G3BP2: variants seen among roughly 807,000 people sequenced by gnomAD.
G3BP2 encodes the protein ras GTPase-activating protein-binding protein 2.
G3BP2 carries 11 observed loss-of-function variants against 56.7 expected under a neutral mutation model. That is an observed-to-expected ratio of 0.19 (90% CI 0.12 to 0.32). The LOEUF (loss-of-function observed/expected upper bound fraction) is 0.32, where lower values mean the gene tolerates loss of function less well. Among genes scored for constraint, G3BP2 ranks in the 10% least tolerant of loss-of-function variants. G3BP2 has a pLI of 1.00. For missense variants in G3BP2, 340 were observed against 610.9 expected, an observed-to-expected ratio of 0.56 and a Z score of 4.67; for synonymous variants, 165 against 191.6, an observed-to-expected ratio of 0.86 and a Z score of 1.15.
At position 75,711,180 on chromosome 4, in the gene G3BP2, A is replaced by G. The variant is rs186451965; in HGVS notation, c.-25+9697T>C. Among the ~76,000 whole-genome samples, 536 of 151,750 alleles carry G rather than the reference A, an allele frequency of 3.5e-3. 4 individuals are homozygous for G. The highest frequency in any genetic ancestry group is 0.013 in the African/African-American group (521 of 41,408). The stretch of plus-strand genomic sequence containing the variant: ...ACTAAAATACAAAAATTAGCTGGGC[A>G]TGATGGCGGGTGCCTGTAATCCCAG... On this transcript the variant is annotated intron_variant, in intron 3 of 3. Coordinates refer to the G3BP2 transcript ENST00000499709.
At chr4:75,694,841 G>A (rs1170052139) in intron 3 of G3BP2, 1 of 985,430 alleles carries the variant, frequency 1.0e-6, no homozygotes. Flanking sequence ...AGACAGGATG[G>A]GCTAAAGACT....
rs527495264 is a variant in G3BP2, at chr4:75,708,954, C to CA, written c.-25+11922dup. Among the ~76,000 whole-genome samples, 281 of 151,930 alleles carry CA rather than the reference C, an allele frequency of 1.8e-3. 4 individuals carry two copies. The highest frequency in any genetic ancestry group is 0.016 in the Admixed American group (237 of 15,276). On this transcript the variant is annotated intron_variant, in intron 3 of 3. Transcript: ENST00000499709. ...GGTGAAACCCTGTCTATAAAAAATA[C>CA]AAAAAAATAGCCAGGCATGGTGGCG...
At chr4:75,657,428 A>G in intron 4 of G3BP2, 129 bp downstream of exon 4, 1 of 674,174 alleles carries the variant, frequency 1.5e-6, no homozygotes, top group Non-Finnish European at 2.5e-6. Flanking sequence ...CACTCACTCA[A>G]ACAACAGGTC....
At chr4:75,685,618 G>C (rs529606018) in intron 3 of G3BP2, among the ~76,000 whole-genome samples, 5 of 152,008 alleles carry the variant, frequency 3.3e-5, no homozygotes, top group Non-Finnish European at 5.9e-5. Flanking sequence ...AGTTCCCTCA[G>C]CTTCTTTCCT....
rs55689229 is a variant in G3BP2, at chr4:75,719,347, CAAA to C, written c.-25+1527_-25+1529del. On this transcript the variant is annotated intron_variant, in intron 3 of 3. Transcript: ENST00000499709. The stretch of plus-strand genomic sequence containing the variant: ...TGGGCGACAGAGCAAGACTCCGTCT[CAAA>C]AAAAAAAAAAAAAAAAAGAAATTGA... Among the ~76,000 whole-genome samples, 131 of 86,968 alleles carry C rather than the reference CAAA, an allele frequency of 1.5e-3. 1 individual carries two copies. Among genetic ancestry groups the C allele is most frequent in the South Asian group, 0.012 (31 of 2,526 alleles). 57.1% of individuals were successfully genotyped at this position (86,968 alleles called of 152,430 possible). A position where few individuals can be genotyped will look rare whatever the true frequency, so the allele number is the denominator to read the frequency against.
chr4:75,692,608 C>T (rs866159577), intron 3 of G3BP2, among the ~76,000 whole-genome samples: 5 of 152,116 alleles, frequency 3.3e-5, no homozygotes, highest in African/African-American at 7.2e-5. Context: ...CTGCACCCGG[C>T]GTCAGTTCTT....
chr4:75,674,671 T>A (rs896348491), upstream of G3BP2, among the ~76,000 whole-genome samples: 1 of 145,656 alleles, frequency 6.9e-6, no homozygotes, highest in Non-Finnish European at 1.5e-5. Flanking sequence ...AGTAACCCTA[T>A]GAGCTAGTTG....
At chr4:75,646,552 C>T in intron 10 of G3BP2, 96 bp from the exon 11 acceptor site, 1 of 792,904 alleles carries the variant, frequency 1.3e-6, no homozygotes. Context: ...TCTCCCCGAT[C>T]CATTTTAAAA....
chr4:75,704,955 G>A (rs1380447604), intron 3 of G3BP2, among the ~76,000 whole-genome samples: 1 of 152,172 alleles, frequency 6.6e-6, no homozygotes, highest in Non-Finnish European at 1.5e-5. Flanking sequence ...CTCTAGGCCT[G>A]CCCTGAGATT....
chr4:75,656,874 A>C (rs1479531291), intron 5 of G3BP2, 50 bp downstream of exon 5: 3 of 833,326 alleles, frequency 3.6e-6, no homozygotes, highest in Non-Finnish European at 4.1e-6. Flanking sequence ...TTAGTCCATA[A>C]AGAGTACCAA....
At chr4:75,715,972 C>T (rs1162633649) in intron 3 of G3BP2, among the ~76,000 whole-genome samples, 1 of 152,104 alleles carries the variant, frequency 6.6e-6, no homozygotes, top group African/African-American at 2.4e-5. Flanking sequence ...CCGGCTGCTG[C>T]AATAACCTAT....
At chr4:75,654,817 T>C (rs1052630126) in intron 7 of G3BP2, 3 of 427,066 alleles carry the variant, frequency 7.0e-6, no homozygotes, top group African/African-American at 6.2e-5. Flanking sequence ...AATAATTTCA[T>C]ATAAGTTACT....
chr4:75,646,794 A>C (rs1731237916), intron 10 of G3BP2, among the ~76,000 whole-genome samples: 1 of 152,224 alleles, frequency 6.6e-6, no homozygotes, highest in South Asian at 2.1e-4. Flanking sequence ...TGACTGATTT[A>C]TCCAGCTGTT....
rs879120222 is a variant in G3BP2 at position 75,647,264 on chromosome 4, A to G, written c.929-107T>C. 5.1e-5 allele frequency: 37 copies of G among 732,220 alleles called. No individual in the cohort carries two copies. The African/African-American group carries it at 6.5e-4, about 13-fold the overall frequency. The allele number at this position is 732,220 out of a possible 1,614,324, so 45.4% of individuals were successfully genotyped here. A position where few individuals can be genotyped will look rare whatever the true frequency, so the allele number is the denominator to read the frequency against. ...ATATTGATATTCCTGTTTTAGTTTA[A>G]TAAGACTAGGTGAGCTTCTTGAAAA... is the stretch of plus-strand genomic sequence containing the variant. On this transcript the variant is annotated intron_variant, in intron 9 of 11. Transcript: ENST00000359707.
rs756489285 is a variant in G3BP2, at chr4:75,655,764, T to G, written c.545+4A>C. 6.7e-7 allele frequency: 1 copy of G among 1,482,728 alleles called. No homozygotes were observed. Among genetic ancestry groups the G allele is most frequent in the Admixed American group, 1.7e-5 (1 of 59,640 alleles). The allele number at this position is 1,482,728 out of a possible 1,614,324, so 91.8% of individuals were successfully genotyped here. On this transcript the variant is annotated splice_donor_region_variant and intron_variant, in intron 6 of 11. Transcript: ENST00000359707. ...AAATTTAACCTTGCAAATAGTATGC[T>G]TACGTCACAGGGTGAGCTTCATAGT...
rs146417327 is a variant in G3BP2, at chr4:75,673,363, C to G, written c.-180G>C. 9 of 1,231,938 alleles carry G rather than the reference C, an allele frequency of 7.3e-6. No homozygotes were observed. In the East Asian group the frequency reaches 1.9e-4, roughly 26 times the overall value. The allele number at this position is 1,231,938 out of a possible 1,614,324, so 76.3% of individuals were successfully genotyped here. On this transcript the variant is annotated 5_prime_UTR_variant, in exon 1 of 12. Transcript: ENST00000359707. ...CGCGAGTTCGTCTGCCTCACAACCA[C>G]CTCTTCCCGGGCGCCAGGCGCTGCG...
upstream of G3BP2, chr4:75,673,850 C>G: frequency 4.5e-6 from 1 of 222,502 alleles, no homozygotes; most frequent in East Asian, 9.0e-5. Flanking sequence ...GCTTAAAATG[C>G]AGCCGGTGAT....
At chr4:75,675,457 A>T (rs1046379553), upstream of G3BP2, among the ~76,000 whole-genome samples, 2 of 152,198 alleles carry the variant, frequency 1.3e-5, no homozygotes, top group Non-Finnish European at 2.9e-5. Context: ...ACAAGTTCTC[A>T]GCTGATGGTG....
At chr4:75,697,273 C>CAAAAAAAAAA (rs869037819) in intron 3 of G3BP2, among the ~76,000 whole-genome samples, 323 of 28,656 alleles carry the variant, frequency 0.011, 28 homozygotes, top group Middle Eastern at 0.042. Context: ...GACTCTGTCT[C>CAAAAAAAAAA]AAAAAAAAAA....
Sources: allele counts gnomAD v4.1 joint callset (sites outside exome capture counted in the v4.1 genomes callset), GRCh38; gene constraint gnomAD v4.1.1; transcripts MANE v1.5; gene names NCBI Gene and HGNC (gene_info 2026-07-23, HGNC 2026-07-21).